Variants in ADCY3 observed in about 807,000 individuals in gnomAD.
ADCY3 encodes adenylate cyclase 3.
In ADCY3, 70 loss-of-function variants were observed where a neutral mutation model predicts 119.4. That is an observed-to-expected ratio of 0.59 (90% CI 0.48 to 0.72). ADCY3 has a LOEUF of 0.72. Ranked by LOEUF, ADCY3 falls within the 30% of genes least tolerant of loss-of-function variation. The pLI, the probability that ADCY3 is intolerant of heterozygous loss-of-function variation, is 0.00. For synonymous variants in ADCY3, 672 were observed against 621.4 expected (o/e 1.08, Z -1.21); for missense variants, 1,238 against 1,541.6 (o/e 0.80, Z 3.30).
rs6735578 is a variant in ADCY3, at chr2:24,900,572, G to C, written c.675+17741C>G. On this transcript the variant is annotated intron_variant, in intron 2 of 21. Transcript: ENST00000679454. The stretch of plus-strand genomic sequence containing the variant: ...TGGGCAAACAGGAGAAGGCAGTCCT[G>C]AGCAATGCGCTTTAGTCTACACCTA... 9.7e-3 allele frequency among the ~76,000 whole-genome samples: 1,481 copies of C among 152,046 alleles called. 27 individuals are homozygous for C. Among genetic ancestry groups the C allele is most frequent in the African/African-American group, 0.034 (1,417 of 41,494 alleles).
intron 11 of ADCY3, among the ~76,000 whole-genome samples, chr2:24,833,301 G>A (rs553572066): frequency 1.3e-5 from 2 of 152,168 alleles, no homozygotes; most frequent in Non-Finnish European, 2.9e-5. Context: ...CCTGTGGCCC[G>A]TTCCCAATGC....
At position 24,906,630 on chromosome 2, in the gene ADCY3, C is replaced by A. The variant is rs371905680; in HGVS notation, c.675+11683G>T. Among the ~76,000 whole-genome samples, 229 of 152,332 alleles carry A rather than the reference C, an allele frequency of 1.5e-3. 2 individuals are homozygous for A. The highest frequency in any genetic ancestry group is 5.3e-3 in the African/African-American group (220 of 41,570). On this transcript the variant is annotated intron_variant, in intron 2 of 21. Coordinates refer to ENST00000679454, the MANE Select transcript of ADCY3 (RefSeq NM_004036.5). ...GCCCCACGTGGGAGGATGAACAACC[C>A]TCGGCACCATGCCATGCGCTTTGCT...
In ADCY3 at chr2:24,823,290, G is replaced by C; in HGVS notation, c.2802C>G (p.Asp934Glu). The C allele has an allele frequency of 1.2e-6, 2 of 1,613,786 alleles. No homozygotes were observed. Among genetic ancestry groups the C allele is most frequent in the Non-Finnish European group, 1.7e-6 (2 of 1,179,920 alleles). Residue 934 changes from aspartate to glutamate, a missense_variant, in exon 18 of 22, where the codon GAC becomes GAG. Asp to Glu is a conservative substitution (Grantham distance 45). This residue lies in a region of ADCY3 where 37 missense variants were observed against 73.5 expected (regional missense o/e 0.50). Transcript: ENST00000679454. ...TGTTGATGCTCTCCTCTGTGTAGAAGTCAGCAAAGTTGGGCAGGGAGGCAA... is the reference window on the plus strand; with the variant it reads ...TGTTGATGCTCTCCTCTGTGTAGAACTCAGCAAAGTTGGGCAGGGAGGCAA... Reference protein sequence around the residue: ...VMFASLPNFADFYTEESINNG... With the variant: ...VMFASLPNFAEFYTEESINNG...
In ADCY3 at chr2:24,819,998, A is replaced by G. The variant is rs764652235; in HGVS notation, c.3369T>C (p.Asp1123=). 74 of 1,613,004 alleles carry G rather than the reference A, an allele frequency of 4.6e-5. 1 individual carries two copies. In the South Asian group the frequency reaches 7.8e-4, roughly 17 times the overall value. Residue 1123 remains aspartate, a synonymous_variant, in exon 22 of 22, where the codon GAT becomes GAC. Transcript: ENST00000679454. ...ELLTFFLKGR[D]KLATFPNGPS... ...GGCCATTGGGGAAGGTGGCTAGCTTATCCCGCCCCTTCAAGAAGAAGGTCA... is the reference window on the plus strand; with the variant it reads ...GGCCATTGGGGAAGGTGGCTAGCTTGTCCCGCCCCTTCAAGAAGAAGGTCA...
intron 2 of ADCY3, among the ~76,000 whole-genome samples, chr2:24,877,151 C>T (rs766736230): frequency 6.6e-6 from 1 of 152,236 alleles, no homozygotes; most frequent in Non-Finnish European, 1.5e-5. Flanking sequence ...CCACTGTGTG[C>T]GGGAAGGTGG....
Position 24,918,418 on chromosome 2 carries a change from G to C in ADCY3, c.570C>G (p.Ile190Met). ...FITLPLSLSP[I>M]VIISVVSCVV... ...CACAGGAGACCACGGAGATGATCACGATGGGGCTGAGGCTGAGGGGCAGCG... is the reference window on the plus strand; with the variant it reads ...CACAGGAGACCACGGAGATGATCACCATGGGGCTGAGGCTGAGGGGCAGCG... Residue 190 changes from isoleucine (I) to methionine (M), a missense_variant, in exon 2 of 22, where the codon ATC becomes ATG. Ile to Met is a conservative substitution (Grantham distance 10). Around this residue, in one of 7 missense-constraint regions of ADCY3, gnomAD observed 283 missense variants for 437.2 expected, o/e 0.65. Transcript: ENST00000679454. This position sits in a 1 kb window ranked among gnomAD's most constrained non-coding sequence, Gnocchi z 5.4. The C allele has an allele frequency of 2.5e-6, 4 of 1,613,998 alleles. No individual in the cohort carries two copies. Among genetic ancestry groups the C allele is most frequent in the Non-Finnish European group, 3.4e-6 (4 of 1,180,038 alleles).
Position 24,822,608 on chromosome 2 carries a change from C to T in ADCY3, c.2906G>A (p.Arg969Gln), listed in dbSNP as rs371465590. The T allele has an allele frequency of 9.9e-6, 16 of 1,613,948 alleles. No individual in the cohort carries two copies. Among genetic ancestry groups the T allele is most frequent in the Admixed American group, 3.3e-5 (2 of 60,004 alleles). Residue 969 changes from arginine to glutamine, a missense_variant, in exon 19 of 22, where the codon CGG becomes CAG. By Grantham distance (43) the Arg-to-Gln change is conservative. Transcript: ENST00000679454. The stretch of plus-strand genomic sequence containing the variant: ...AATGGTTTTGATCTTGGTGATCACC[C>T]GGAACTTGGGATTGTCCAGGAGCTG... ...FDSLLDNPKF[R>Q]VITKIKTIGS...
rs111644031 is a variant in ADCY3 at position 24,834,350 on chromosome 2, G to T, written c.1967+135C>A. On this transcript the variant is annotated intron_variant, in intron 11 of 21. Transcript: ENST00000679454. The surrounding 1 kb of genome is among the most constrained non-coding windows in gnomAD (Gnocchi z 4.2). ...AGCACTCCTGGGGCCTGTGGGGGCC[G>T]TCCCAGTGGGGGTCAGGGAGCAGAG... The T allele has an allele frequency of 1.3e-5, 15 of 1,114,204 alleles. No homozygotes were observed. Among genetic ancestry groups the T allele is most frequent in the Non-Finnish European group, 1.9e-5 (15 of 799,990 alleles). The allele number at this position is 1,114,204 out of a possible 1,614,324, so 69.0% of individuals were successfully genotyped here. A position where few individuals can be genotyped will look rare whatever the true frequency, so the allele number is the denominator to read the frequency against.
chr2:24,906,297 A>ACT (rs10651478), intron 2 of ADCY3, among the ~76,000 whole-genome samples: 79,032 of 151,588 alleles, frequency 0.52, 22,764 homozygotes, highest in African/African-American at 0.78. Flanking sequence ...AGAGAGTGAG[A>ACT]CTGTTTAAAA....
Position 24,830,720 on chromosome 2 carries a change from C to G in ADCY3, c.2161G>C (p.Val721Leu). ...CAGCAGGAGCTCACCATGTCCACGA[C>G]ATTTGCCATCACCAGGATGAAGATG... is the stretch of plus-strand genomic sequence containing the variant. ...LAIFILVMANVVDMLSCLQYY... is the reference protein window; with the variant it reads ...LAIFILVMANLVDMLSCLQYY... Residue 721 changes from valine (V) to leucine (L), a missense_variant, in exon 13 of 22, where the codon GTC (valine) becomes CTC (leucine). This residue lies in a region of ADCY3 where 499 missense variants were observed against 571.0 expected (regional missense o/e 0.87). Coordinates refer to ENST00000679454, the MANE Select transcript of ADCY3 (RefSeq NM_004036.5). 2 of 1,613,926 alleles carry G rather than the reference C, an allele frequency of 1.2e-6. No individual in the cohort carries two copies. The highest frequency in any genetic ancestry group is 1.1e-5 in the South Asian group (1 of 91,052).
Position 24,841,992 on chromosome 2 carries a change from C to T in ADCY3, c.956+262G>A, listed in dbSNP as rs972834250. On this transcript the variant is annotated intron_variant, in intron 4 of 21. Coordinates refer to ENST00000679454, the MANE Select transcript of ADCY3 (RefSeq NM_004036.5). The surrounding 1 kb of genome is among the most constrained non-coding windows in gnomAD (Gnocchi z 5.8). ...CTCTAGCCCCAGTGCTGGCCCTCAACAGCTGGGTGACCTCACAGGAGTCCC... is the reference window on the plus strand; with the variant it reads ...CTCTAGCCCCAGTGCTGGCCCTCAATAGCTGGGTGACCTCACAGGAGTCCC... Among the ~76,000 whole-genome samples, 19 of 152,350 alleles carry T rather than the reference C, an allele frequency of 1.2e-4. No homozygotes were observed. In the East Asian group the frequency reaches 3.1e-3, roughly 25 times the overall value.
intron 2 of ADCY3, among the ~76,000 whole-genome samples, chr2:24,876,876 A>G (rs1675776093): frequency 6.6e-6 from 1 of 152,214 alleles, no homozygotes; most frequent in Non-Finnish European, 1.5e-5. Flanking sequence ...AGCTCTGCTG[A>G]TCTGGGATTA....
intron 3 of ADCY3, among the ~76,000 whole-genome samples, chr2:24,859,440 A>AAG (rs1314900286): frequency 2.0e-5 from 3 of 152,172 alleles, no homozygotes; most frequent in African/African-American, 7.2e-5. Flanking sequence ...ACCCCAGGCC[A>AAG]AGAGGCAACT....
At chr2:24,914,429 T>C (rs1664182772) in intron 2 of ADCY3, among the ~76,000 whole-genome samples, 1 of 152,110 alleles carries the variant, frequency 6.6e-6, no homozygotes, top group Non-Finnish European at 1.5e-5. Context: ...TCCCAGCACT[T>C]TGGGAGGCTA....
chr2:24,839,347 A>G (rs957778918), intron 7 of ADCY3, among the ~76,000 whole-genome samples: 3 of 152,212 alleles, frequency 2.0e-5, no homozygotes, highest in Non-Finnish European at 2.9e-5. Flanking sequence ...AATGCCACTG[A>G]AGGAAGCTCC....
At position 24,872,272 on chromosome 2, in the gene ADCY3, A is replaced by G. The variant is rs1272112814; in HGVS notation, c.825+298T>C. Among the ~76,000 whole-genome samples the G allele has an allele frequency of 6.6e-6, 1 of 152,222 alleles. No individual in the cohort carries two copies. Among genetic ancestry groups the G allele is most frequent in the Non-Finnish European group, 1.5e-5 (1 of 68,036 alleles). ...TCATAGCTGGCTGCTTGGGCAATGC[A>G]TTTCTTGAAAGGGAAAAGTTTTACA... On this transcript the variant is annotated intron_variant, in intron 3 of 21. Transcript: ENST00000679454. This position sits in a 1 kb window ranked among gnomAD's most constrained non-coding sequence, Gnocchi z 4.4.
chr2:24,906,309 A>T (rs1291754523), intron 2 of ADCY3, among the ~76,000 whole-genome samples: 1 of 152,168 alleles, frequency 6.6e-6, no homozygotes, highest in Non-Finnish European at 1.5e-5. Context: ...TGTTTAAAAA[A>T]AAAATAAAAA....
At chr2:24,853,581 T>G (rs1463165353) in intron 3 of ADCY3, among the ~76,000 whole-genome samples, 2 of 150,952 alleles carry the variant, frequency 1.3e-5, no homozygotes, top group African/African-American at 2.4e-5. Context: ...GTGATTCTCC[T>G]GCCTCAGCCT....
Position 24,872,639 on chromosome 2 carries a change from G to A in ADCY3, c.756C>T (p.Arg252=). Residue 252 remains arginine, a synonymous_variant, in exon 3 of 22, where the codon CGC becomes CGT. Coordinates refer to ENST00000679454, the MANE Select transcript of ADCY3 (RefSeq NM_004036.5). This position sits in a 1 kb window ranked among gnomAD's most constrained non-coding sequence, Gnocchi z 4.4. ...MSYYMADRKH[R]KAFLEARQSL... ...ACTGGCGGGCCTCCAGGAAGGCCTT[G>A]CGGTGCTTGCGGTCAGCCATGTAGT... 1 of 1,614,238 alleles carries A rather than the reference G, an allele frequency of 6.2e-7. No homozygotes were observed. The highest frequency in any genetic ancestry group is 2.2e-5 in the East Asian group (1 of 44,884).
Sources: gnomAD v4.1 joint callset for allele counts (sites outside exome capture counted in the v4.1 genomes callset) on GRCh38, gnomAD v4.1.1 for gene constraint, gnomAD v4.1.1 regional missense constraint, Gnocchi (gnomAD v3.1) non-coding constraint, MANE v1.5 for transcripts, NCBI Gene and HGNC (gene_info 2026-07-23, HGNC 2026-07-21) for gene names.